Variants in FSTL4 observed in about 807,000 individuals in gnomAD.
FSTL4 encodes follistatin like 4.
Under a neutral mutation model 78.2 loss-of-function variants are expected in FSTL4, and 28 were observed. The observed-to-expected ratio is 0.36, with a 90% CI of 0.27 to 0.49. The LOEUF is 0.49. Ranked by LOEUF, FSTL4 falls within the 20% of genes least tolerant of loss-of-function variation. FSTL4 has a pLI of 0.98. For missense variants in FSTL4, 922 were observed against 1,084.9 expected (o/e 0.85, Z 2.11); for synonymous variants, 422 against 440.5 (o/e 0.96, Z 0.53).
At chr5:133,495,568 T>C (rs1268862956) in intron 3 of FSTL4, among the ~76,000 whole-genome samples, 3 of 152,188 alleles carry the variant, frequency 2.0e-5, no homozygotes, top group Non-Finnish European at 4.4e-5. Context: ...TTCCACACCT[T>C]CTACAAAGAG....
In FSTL4 at chr5:133,426,438, G is replaced by A. The variant is rs990069860; in HGVS notation, c.161-25452C>T. 2.6e-5 allele frequency among the ~76,000 whole-genome samples: 4 copies of A among 152,088 alleles called. No individual in the cohort carries two copies. The highest frequency in any genetic ancestry group is 1.9e-4 in the East Asian group (1 of 5,188). ...TGAATAGCGCTGCCCTGCCCCCTCC[G>A]CACTCCCTAATTGGAGAATGTCATG... On this transcript the variant is annotated intron_variant, in intron 3 of 15. Transcript: ENST00000265342. The surrounding 1 kb of genome is among the most constrained non-coding windows in gnomAD (Gnocchi z 5.0).
At chr5:133,273,900 C>T (rs117613482) in intron 6 of FSTL4, among the ~76,000 whole-genome samples, 1 of 152,140 alleles carries the variant, frequency 6.6e-6, no homozygotes, top group Non-Finnish European at 1.5e-5. Flanking sequence ...GCGGAGTTCC[C>T]TTCTGTGCCT....
intron 13 of FSTL4, chr5:133,211,085 T>A (rs1750696828): frequency 6.6e-6 from 1 of 152,348 alleles, no homozygotes; most frequent in East Asian, 1.9e-4. Context: ...CTGGGCAGTT[T>A]CTATCTTGCA....
chr5:133,327,828 C>A (rs1047097334), intron 4 of FSTL4, among the ~76,000 whole-genome samples: 4 of 152,132 alleles, frequency 2.6e-5, no homozygotes, highest in African/African-American at 4.8e-5. Context: ...GTCCTGGGAT[C>A]CTACATAAGG....
intron 6 of FSTL4, among the ~76,000 whole-genome samples, chr5:133,306,692 A>G (rs1473176462): frequency 6.6e-6 from 1 of 152,184 alleles, no homozygotes; most frequent in Non-Finnish European, 1.5e-5. Context: ...CGCTGGCCAC[A>G]GCTGCATGTC....
the FSTL4 span, among the ~76,000 whole-genome samples, chr5:133,778,212 C>G: frequency 6.6e-6 from 1 of 152,198 alleles, no homozygotes; most frequent in Non-Finnish European, 1.5e-5. Flanking sequence ...GTGCCAGTCA[C>G]CTGCAACATC....
intron 6 of FSTL4, among the ~76,000 whole-genome samples, chr5:133,291,232 T>G (rs1423913877): frequency 6.6e-6 from 1 of 152,100 alleles, no homozygotes; most frequent in African/African-American, 2.4e-5. Context: ...GTAATGACCC[T>G]TGGACCTCTT....
At chr5:133,391,097 T>A (rs577060023) in intron 4 of FSTL4, among the ~76,000 whole-genome samples, 1 of 152,276 alleles carries the variant, frequency 6.6e-6, no homozygotes, top group South Asian at 2.1e-4. Flanking sequence ...ATAAAACACT[T>A]TGAGGCAGGC....
Position 133,321,567 on chromosome 5 carries a change from C to T in FSTL4, c.410-4915G>A, listed in dbSNP as rs373628961. Among the ~76,000 whole-genome samples the T allele has an allele frequency of 1.1e-3, 175 of 152,220 alleles. 1 individual carries two copies. The highest frequency in any genetic ancestry group is 3.9e-3 in the African/African-American group (162 of 41,506). On this transcript the variant is annotated intron_variant, in intron 4 of 15. Transcript: ENST00000265342. The stretch of plus-strand genomic sequence containing the variant: ...GATGTTGAGAATGATAGTGGCAGGC[C>T]GGGCGCGGTGGCTCACGCCTATAAT...
chr5:133,514,933 G>T (rs138962026), intron 3 of FSTL4, among the ~76,000 whole-genome samples: 314 of 152,226 alleles, frequency 2.1e-3, no homozygotes, highest in Middle Eastern at 0.01. Flanking sequence ...GTAATACTTT[G>T]TATTCTTGGA....
the FSTL4 span, among the ~76,000 whole-genome samples, chr5:133,744,439 G>A: frequency 2.6e-5 from 4 of 152,126 alleles, no homozygotes; most frequent in Admixed American, 6.5e-5. Context: ...CACAGCCCCC[G>A]CTGTGCCGCA....
intron 6 of FSTL4, among the ~76,000 whole-genome samples, chr5:133,280,768 G>A (rs1023998603): frequency 2.6e-5 from 4 of 152,124 alleles, no homozygotes; most frequent in Non-Finnish European, 4.4e-5. Context: ...AGCTTCCCTG[G>A]CCCTCCACAT....
chr5:133,558,452 A>G (rs537004041), intron 3 of FSTL4, among the ~76,000 whole-genome samples: 27 of 152,128 alleles, frequency 1.8e-4, no homozygotes, highest in Admixed American at 1.5e-3. Flanking sequence ...AACTGCACTG[A>G]CTGCGCTCAG....
chr5:133,239,126 C>CT (rs1692261966), intron 7 of FSTL4, among the ~76,000 whole-genome samples: 1 of 152,202 alleles, frequency 6.6e-6, no homozygotes, highest in South Asian at 2.1e-4. Flanking sequence ...GGCTTAGCAC[C>CT]TGGGCCAGCA....
chr5:133,572,740 A>C (rs1760187811), intron 2 of FSTL4, among the ~76,000 whole-genome samples: 1 of 152,186 alleles, frequency 6.6e-6, no homozygotes, highest in African/African-American at 2.4e-5. Context: ...AAAGATCAGG[A>C]GGTCAAATGA....
At chr5:133,352,104 T>C (rs576096160) in intron 4 of FSTL4, among the ~76,000 whole-genome samples, 4 of 151,858 alleles carry the variant, frequency 2.6e-5, no homozygotes, top group African/African-American at 4.8e-5. Context: ...AAAGGTATAC[T>C]GTGTGATGCT....
upstream of FSTL4, among the ~76,000 whole-genome samples, chr5:133,613,288 C>T (rs941722529): frequency 1.3e-5 from 2 of 152,222 alleles, no homozygotes; most frequent in Non-Finnish European, 2.9e-5. Context: ...TCATACGTAG[C>T]CTCAGTCTGG....
intron 6 of FSTL4, chr5:133,252,322 C>T (rs967682229): frequency 3.3e-5 from 5 of 152,210 alleles, no homozygotes; most frequent in African/African-American, 9.7e-5. Flanking sequence ...CTCTTGGAGG[C>T]AGCAGCAGGG....
In FSTL4 at chr5:133,199,256, C is replaced by G. The variant is rs1405991950; in HGVS notation, c.2368G>C (p.Gly790Arg). 1 of 1,613,506 alleles carries G rather than the reference C, an allele frequency of 6.2e-7. No individual in the cohort carries two copies. The highest frequency in any genetic ancestry group is 1.7e-5 in the Admixed American group (1 of 60,010). Residue 790 changes from glycine (G) to arginine (R), a missense_variant, in exon 16 of 16, where the codon GGT becomes CGT. Physicochemically the swap from Gly to Arg is moderately radical, Grantham distance 125 (BLOSUM62 -2). Transcript: ENST00000265342. This position sits in a 1 kb window ranked among gnomAD's most constrained non-coding sequence, Gnocchi z 4.4. The part of the protein sequence containing the change: ...PPAGPAQPWG[G>R]THRIMRDSGL... ...CTGTCCCTCATGATTCTGTGGGTAC[C>G]CCCCCAGGGCTGAGCTGGCCCTGCG...
Sources: allele counts gnomAD v4.1 joint callset (sites outside exome capture counted in the v4.1 genomes callset), GRCh38; gene constraint gnomAD v4.1.1; non-coding constraint Gnocchi (gnomAD v3.1); transcripts MANE v1.5; gene names NCBI Gene and HGNC (gene_info 2026-07-23, HGNC 2026-07-21).